RETREG1: variants seen among roughly 807,000 people sequenced by gnomAD.
RETREG1 encodes reticulophagy regulator 1.
In RETREG1, 44 loss-of-function variants were observed where a neutral mutation model predicts 54.8. The observed-to-expected ratio is 0.80, with a 90% CI of 0.63 to 1.03. The LOEUF (loss-of-function observed/expected upper bound fraction) is 1.03. Among genes scored for constraint, RETREG1 ranks in the 50% least tolerant of loss-of-function variants. RETREG1 has a pLI of 0.00. For missense variants in RETREG1, 554 were observed against 605.1 expected, an observed-to-expected ratio of 0.92 and a Z score of 0.89; for synonymous variants, 217 against 238.5, an observed-to-expected ratio of 0.91 and a Z score of 0.83.
intron 1 of RETREG1, among the ~76,000 whole-genome samples, chr5:16,591,318 GAATC>G (rs79865743): frequency 0.05 from 7,618 of 152,194 alleles, 192 homozygotes; most frequent in Non-Finnish European, 0.053. Context: ...AATATGGAAA[GAATC>G]AATCACTAAA....
At position 16,616,959 on chromosome 5, in the gene RETREG1, C is replaced by G. The variant is rs550339729; in HGVS notation, c.13G>C (p.Ala5Pro). The G allele has an allele frequency of 7.0e-6, 10 of 1,433,966 alleles. No individual in the cohort carries two copies. The highest frequency in any genetic ancestry group is 8.2e-6 in the Non-Finnish European group (9 of 1,096,236). The allele number at this position is 1,433,966 out of a possible 1,614,324, so 88.8% of individuals were successfully genotyped here. The change falls in exon 1 of 9, where the codon GCG becomes CCG. Residue 5 changes from alanine (A) to proline (P), a missense_variant. Ala to Pro is a conservative substitution (Grantham distance 27). Transcript: ENST00000306320. MASP[A>P]PPEHAEEGCP... is the part of the protein sequence containing the mutation. ...CCCTCCTCGGCGTGCTCCGGAGGCG[C>G]CGGGCTCGCCATCTTCAGCTGTGCT...
At chr5:16,568,679 G>T (rs1474505446) in intron 2 of RETREG1, among the ~76,000 whole-genome samples, 1 of 152,136 alleles carries the variant, frequency 6.6e-6, no homozygotes, top group Non-Finnish European at 1.5e-5. Context: ...GTTGCCAGGG[G>T]CTGGAGGAAG....
At chr5:16,483,062 C>T (rs1228671292) in intron 4 of RETREG1, 5 of 372,228 alleles carry the variant, frequency 1.3e-5, no homozygotes, top group Non-Finnish European at 2.5e-5. Context: ...CTGTTTTCTC[C>T]CTAGTCTTGC....
At chr5:16,531,091 T>C (rs528888126) in intron 3 of RETREG1, among the ~76,000 whole-genome samples, 1 of 152,348 alleles carries the variant, frequency 6.6e-6, no homozygotes, top group Non-Finnish European at 1.5e-5. Flanking sequence ...AGTTCATCCC[T>C]TGATGAAAGA....
At chr5:16,502,330 G>GAAAGT (rs550626241) in intron 3 of RETREG1, among the ~76,000 whole-genome samples, 1 of 152,298 alleles carries the variant, frequency 6.6e-6, no homozygotes, top group Admixed American at 6.5e-5. Flanking sequence ...CTTCCCAAGG[G>GAAAGT]AAAGTTTGCT....
intron 1 of RETREG1, among the ~76,000 whole-genome samples, chr5:16,590,839 C>T (rs1416441168): frequency 1.0e-5 from 1 of 99,200 alleles, no homozygotes; most frequent in East Asian, 2.2e-4. Flanking sequence ...CACATGCAAA[C>T]ACACATGCAC....
In RETREG1 at chr5:16,553,160, G is replaced by A. The variant is rs545166519; in HGVS notation, c.458+12603C>T. Among the ~76,000 whole-genome samples, 328 of 151,482 alleles carry A rather than the reference G, an allele frequency of 2.2e-3. 1 individual carries two copies. The highest frequency in any genetic ancestry group is 7.0e-3 in the African/African-American group (286 of 40,876). ...TTTGTACTGCCATATCGTAAACTCA[G>A]AAACAGAAACAGTGCACACTATGGA... On this transcript the variant is annotated intron_variant, in intron 3 of 8. Transcript: ENST00000306320.
At chr5:16,499,482 T>C (rs1274873256) in intron 3 of RETREG1, among the ~76,000 whole-genome samples, 1 of 152,222 alleles carries the variant, frequency 6.6e-6, no homozygotes, top group Non-Finnish European at 1.5e-5. Flanking sequence ...GAGTTTATAA[T>C]TTTTAGAGGT....
intron 1 of RETREG1, among the ~76,000 whole-genome samples, chr5:16,610,110 G>C (rs1022485285): frequency 4.9e-4 from 74 of 152,094 alleles, no homozygotes; most frequent in African/African-American, 1.7e-3. Flanking sequence ...ACGCAAGCTG[G>C]GGCACCCCAT....
At chr5:16,531,287 CTA>C (rs1740908266) in intron 3 of RETREG1, among the ~76,000 whole-genome samples, 1 of 152,184 alleles carries the variant, frequency 6.6e-6, no homozygotes, top group Non-Finnish European at 1.5e-5. Flanking sequence ...TGAGCCAGGG[CTA>C]TGTTTTTCTT....
At chr5:16,582,794 C>T (rs1047963275) in intron 1 of RETREG1, among the ~76,000 whole-genome samples, 4 of 152,204 alleles carry the variant, frequency 2.6e-5, no homozygotes, top group African/African-American at 9.7e-5. Flanking sequence ...ACTGGCCGCT[C>T]AGAAGCCCCG....
chr5:16,514,921 T>A (rs189300275), intron 3 of RETREG1, among the ~76,000 whole-genome samples: 2,184 of 146,840 alleles, frequency 0.015, 68 homozygotes, highest in African/African-American at 0.052. Context: ...ATAATATATA[T>A]TATATAAATA....
At chr5:16,602,017 A>G (rs1019794433) in intron 1 of RETREG1, among the ~76,000 whole-genome samples, 2 of 152,222 alleles carry the variant, frequency 1.3e-5, no homozygotes, top group Non-Finnish European at 2.9e-5. Flanking sequence ...AAGCCAGACA[A>G]GAAATCCACA....
At chr5:16,547,792 C>A (rs113604570) in intron 3 of RETREG1, among the ~76,000 whole-genome samples, 2 of 152,132 alleles carry the variant, frequency 1.3e-5, no homozygotes, top group Non-Finnish European at 2.9e-5. Context: ...ATTTTATAAT[C>A]TGATGTTATT....
Position 16,585,575 on chromosome 5 carries a change from G to T in RETREG1, c.321-13473C>A, listed in dbSNP as rs954014478. On this transcript the variant is annotated intron_variant, in intron 1 of 8. Coordinates refer to ENST00000306320, the MANE Select transcript of RETREG1 (RefSeq NM_001034850.3). This position sits in a 1 kb window ranked among gnomAD's most constrained non-coding sequence, Gnocchi z 4.5. ...AGGGAAGGGGACTTCGAGGCAGGGC[G>T]GGTGAGTCAAGTTCTGCAGCCCACT... Among the ~76,000 whole-genome samples the T allele has an allele frequency of 3.3e-5, 5 of 152,180 alleles. No homozygotes were observed. The highest frequency in any genetic ancestry group is 5.9e-5 in the Non-Finnish European group (4 of 68,030).
intron 1 of RETREG1, among the ~76,000 whole-genome samples, chr5:16,600,123 C>A (rs1403831128): frequency 6.6e-6 from 1 of 152,198 alleles, no homozygotes; most frequent in Non-Finnish European, 1.5e-5. Context: ...GCCTCAGCCT[C>A]CTGAGCAGCT....
intron 1 of RETREG1, among the ~76,000 whole-genome samples, chr5:16,575,064 G>A (rs1286295723): frequency 6.6e-6 from 1 of 152,160 alleles, no homozygotes; most frequent in Non-Finnish European, 1.5e-5. Context: ...TGTGCTGGGT[G>A]CTCCCAGTTT....
At chr5:16,542,970 G>A (rs947561911) in intron 3 of RETREG1, among the ~76,000 whole-genome samples, 2 of 152,104 alleles carry the variant, frequency 1.3e-5, no homozygotes, top group South Asian at 2.1e-4. Flanking sequence ...TAGTTTTCTG[G>A]TACCCCTTTT....
chr5:16,478,517 A>G (rs377141066), intron 6 of RETREG1, among the ~76,000 whole-genome samples: 59 of 152,160 alleles, frequency 3.9e-4, no homozygotes, highest in South Asian at 1.0e-3. Context: ...AGAGATGATT[A>G]TATTGGCTTT....
Sources: gnomAD v4.1 joint callset for allele counts (sites outside exome capture counted in the v4.1 genomes callset) on GRCh38, gnomAD v4.1.1 for gene constraint, Gnocchi (gnomAD v3.1) non-coding constraint, MANE v1.5 for transcripts, NCBI Gene and HGNC (gene_info 2026-07-23, HGNC 2026-07-21) for gene names.